TNS1: variants seen among roughly 807,000 people sequenced by gnomAD.
TNS1 encodes the protein tensin-1.
TNS1 carries 62 observed loss-of-function variants against 168.6 expected under a neutral mutation model. The ratio of observed to expected loss-of-function variants is 0.37; its 90% CI spans 0.30 to 0.45. The LOEUF is 0.45. Among genes scored for constraint, TNS1 ranks in the 20% least tolerant of loss-of-function variants. TNS1 has a pLI of 1.00. For missense variants in TNS1, 2,240 were observed against 2,339.4 expected, an observed-to-expected ratio of 0.96 and a Z score of 0.88; for synonymous variants, 934 against 933.2, an observed-to-expected ratio of 1.00 and a Z score of -0.02.
intron 18 of TNS1, among the ~76,000 whole-genome samples, chr2:217,870,271 G>A (rs768284090): frequency 1.9e-4 from 29 of 152,048 alleles, no homozygotes; most frequent in African/African-American, 3.6e-4. Context: ...CCCCTACCCC[G>A]TCTCCAGACA....
At chr2:218,000,268 A>G (rs748305683) in intron 1 of TNS1, among the ~76,000 whole-genome samples, 5 of 152,226 alleles carry the variant, frequency 3.3e-5, no homozygotes, top group Non-Finnish European at 7.3e-5. Flanking sequence ...AGCTTTCCCC[A>G]TACAGGAACA....
chr2:217,892,330 G>A (rs1453428321), intron 11 of TNS1, among the ~76,000 whole-genome samples: 2 of 152,166 alleles, frequency 1.3e-5, no homozygotes, highest in African/African-American at 2.4e-5. Context: ...TCGAACTTCT[G>A]ACCTCAAGTG....
At chr2:217,969,783 G>C (rs995965470) in intron 3 of TNS1, among the ~76,000 whole-genome samples, 1 of 152,188 alleles carries the variant, frequency 6.6e-6, no homozygotes, top group Non-Finnish European at 1.5e-5. Flanking sequence ...ATAATAACAA[G>C]TGTTGACAAG....
chr2:217,892,221 T>A (rs1237179161), intron 11 of TNS1, among the ~76,000 whole-genome samples: 8 of 152,272 alleles, frequency 5.3e-5, no homozygotes, highest in Middle Eastern at 3.4e-3. Context: ...TGCCTCAGCC[T>A]CCTGAGTAGC....
At position 217,990,997 on chromosome 2, in the gene TNS1, C is replaced by T. The variant is rs1257586418; in HGVS notation, c.93G>A (p.Val31=). 1.4e-6 allele frequency: 1 copy of T among 695,872 alleles called. No individual in the cohort carries two copies. The highest frequency in any genetic ancestry group is 2.6e-6 in the Non-Finnish European group (1 of 379,730). The allele number at this position is 695,872 out of a possible 1,614,324, so 43.1% of individuals were successfully genotyped here. A position where few individuals can be genotyped will look rare whatever the true frequency, so the allele number is the denominator to read the frequency against. ...HRFKVKTFKK[V]KPCGICRQVI... is the part of the protein sequence containing the mutation. The stretch of plus-strand genomic sequence containing the variant: ...CCTGGCGGCAGATCCCACAGGGCTT[C>T]ACCTTCTTGAAGGTCTTCACCTTGA... Residue 31 remains valine (V), a synonymous_variant, in exon 2 of 33, where the codon GTG becomes GTA. Transcript: ENST00000682258.
At position 217,865,974 on chromosome 2, in the gene TNS1, G is replaced by A. The variant is rs543259954; in HGVS notation, c.1429+14924C>T. On this transcript the variant is annotated intron_variant, in intron 18 of 32. Transcript: ENST00000682258. Reference sequence around the variant, plus strand: ...TCACTCATCCTACCTAGACAGATGCGTGGAGTGGAAAGGTTCTTCTCCTCA... The same window carrying A: ...TCACTCATCCTACCTAGACAGATGCATGGAGTGGAAAGGTTCTTCTCCTCA... Among the ~76,000 whole-genome samples, 51 of 152,296 alleles carry A rather than the reference G, an allele frequency of 3.3e-4. No homozygotes were observed. In the South Asian group the frequency reaches 3.5e-3, roughly 11 times the overall value.
chr2:217,907,134 T>G, intron 5 of TNS1, 76 bp downstream of exon 5: 1 of 694,350 alleles, frequency 1.4e-6, no homozygotes. Context: ...CTCCCCCAAA[T>G]CCACTCTCCA....
intron 1 of TNS1, among the ~76,000 whole-genome samples, chr2:217,999,596 T>G (rs6712327): frequency 6.6e-5 from 10 of 152,026 alleles, no homozygotes; most frequent in Admixed American, 6.5e-4. Context: ...CAGACCCTGG[T>G]GATTCTCATG....
At chr2:217,979,439 C>A (rs1274247688) in intron 2 of TNS1, among the ~76,000 whole-genome samples, 1 of 152,014 alleles carries the variant, frequency 6.6e-6, no homozygotes, top group Non-Finnish European at 1.5e-5. Context: ...TTGTGGGACA[C>A]CATCAGTTGC....
exon 1 of TNS1, chr2:218,010,397 C>A: frequency 2.6e-6 from 1 of 389,108 alleles, no homozygotes. Flanking sequence ...CGCGGGAGGC[C>A]CGCGGCGCGG....
chr2:217,931,844 A>C (rs1043676968), intron 3 of TNS1, among the ~76,000 whole-genome samples: 2 of 152,210 alleles, frequency 1.3e-5, no homozygotes, highest in Admixed American at 6.5e-5. Flanking sequence ...TCAGATTTGA[A>C]GAAGTGCCTT....
chr2:217,899,801 A>T (rs1952742933), intron 7 of TNS1, among the ~76,000 whole-genome samples: 1 of 152,166 alleles, frequency 6.6e-6, no homozygotes, highest in Non-Finnish European at 1.5e-5. Flanking sequence ...TCCTCTAAGG[A>T]GCCACCTCCA....
intron 1 of TNS1, 102 bp downstream of exon 1, chr2:218,002,738 C>G (rs957174639): frequency 4.4e-6 from 2 of 454,656 alleles, no homozygotes; most frequent in African/African-American, 4.0e-5. Context: ...GACTGACACC[C>G]CCCGACCCCG....
chr2:217,852,169 G>A (rs921187892), intron 18 of TNS1, among the ~76,000 whole-genome samples: 50 of 152,124 alleles, frequency 3.3e-4, no homozygotes, highest in African/African-American at 9.7e-4. Context: ...GACCCCAGCC[G>A]CCTGTTTCTA....
rs141775256 is a variant in TNS1 at position 217,969,898 on chromosome 2, C to T, written c.186+8867G>A. On this transcript the variant is annotated intron_variant, in intron 3 of 32. Transcript: ENST00000682258. The stretch of plus-strand genomic sequence containing the variant: ...CCCTCACAAAAGATGTGCTGAAGTC[C>T]TAACCCCCAGCACCTTTTTGAAAGT... 1.9e-3 allele frequency among the ~76,000 whole-genome samples: 296 copies of T among 152,300 alleles called. 3 individuals carry two copies. Among genetic ancestry groups the T allele is most frequent in the African/African-American group, 6.6e-3 (276 of 41,560 alleles).
chr2:217,956,458 A>G (rs1957365500), intron 3 of TNS1, among the ~76,000 whole-genome samples: 1 of 152,166 alleles, frequency 6.6e-6, no homozygotes, highest in Non-Finnish European at 1.5e-5. Context: ...AAAGAAATAA[A>G]GACAGGGAGG....
intron 18 of TNS1, among the ~76,000 whole-genome samples, chr2:217,869,331 C>A (rs1157405306): frequency 6.6e-6 from 1 of 152,200 alleles, no homozygotes; most frequent in Non-Finnish European, 1.5e-5. Flanking sequence ...TTTGCCAAAG[C>A]AAATCAGCCT....
At chr2:217,942,101 C>G (rs1456327242) in intron 3 of TNS1, among the ~76,000 whole-genome samples, 3 of 152,218 alleles carry the variant, frequency 2.0e-5, no homozygotes, top group Admixed American at 2.0e-4. Flanking sequence ...CTGGGAAATT[C>G]TTCACTGGGG....
At chr2:217,835,067 A>G in intron 21 of TNS1, 24 bp downstream of exon 21, 1 of 1,558,674 alleles carries the variant, frequency 6.4e-7, no homozygotes, top group African/African-American at 1.4e-5. Flanking sequence ...CACAGGGAAG[A>G]CGAGCTTCAC....
Sources: allele counts gnomAD v4.1 joint callset (sites outside exome capture counted in the v4.1 genomes callset), GRCh38; gene constraint gnomAD v4.1.1; transcripts MANE v1.5; gene names NCBI Gene and HGNC (gene_info 2026-07-23, HGNC 2026-07-21).